The following MYH16 variants were observed in gnomAD, a reference collection of about 807,000 sequenced individuals.
MYH16 encodes the protein putative uncharacterized protein MYH16.
At chr7:99,294,550 A>AT (rs1247630867) in intron 33 of MYH16, among the ~76,000 whole-genome samples, 12 of 121,878 alleles carry the variant, frequency 9.8e-5, no homozygotes, top group African/African-American at 5.4e-4. Flanking sequence ...AAAAAGAAAA[A>AT]AAAAATATAT....
chr7:99,279,828 T>C, intron 22 of MYH16, 91 bp downstream of exon 4: 1 of 374,400 alleles, frequency 2.7e-6, no homozygotes, highest in Non-Finnish European at 5.2e-6. Context: ...CCCAGTGCCC[T>C]GACCACTGAC....
At chr7:99,247,974 C>T (rs1397601458) in intron 3 of MYH16, among the ~76,000 whole-genome samples, 2 of 152,190 alleles carry the variant, frequency 1.3e-5, no homozygotes, top group Admixed American at 1.3e-4. Flanking sequence ...CTACCTCACA[C>T]CCTATCTCAT....
At chr7:99,264,532 C>A (rs901111412) in intron 15 of MYH16, among the ~76,000 whole-genome samples, 1 of 152,156 alleles carries the variant, frequency 6.6e-6, no homozygotes, top group East Asian at 1.9e-4. Context: ...AGCGTGATCA[C>A]GCGAGATAGC....
chr7:99,264,011 C>T (rs1199163337), intron 14 of MYH16, among the ~76,000 whole-genome samples: 1 of 152,190 alleles, frequency 6.6e-6, no homozygotes, highest in Non-Finnish European at 1.5e-5. Context: ...CATCAGAAAT[C>T]ACAAAAGACT....
chr7:99,272,977 A>G (rs1584347365), intron 19 of MYH16, among the ~76,000 whole-genome samples: 2 of 152,134 alleles, frequency 1.3e-5, no homozygotes, highest in South Asian at 2.1e-4. Context: ...GCTGCAGGGA[A>G]CAAGAAACGG....
chr7:99,292,808 A>G (rs1230495436), intron 32 of MYH16, among the ~76,000 whole-genome samples: 2 of 151,922 alleles, frequency 1.3e-5, no homozygotes, highest in Non-Finnish European at 2.9e-5. Context: ...AAAAATTACA[A>G]AATTAGCCAG....
intron 36 of MYH16, among the ~76,000 whole-genome samples, chr7:99,298,868 T>C (rs1267859144): frequency 6.6e-6 from 1 of 150,408 alleles, no homozygotes; most frequent in Non-Finnish European, 1.5e-5. Context: ...CTGCACCCAC[T>C]AACTCGTCAT....
chr7:99,249,572 GTTTTTTTT>G (rs1195632373), intron 4 of MYH16, among the ~76,000 whole-genome samples: 14 of 116,746 alleles, frequency 1.2e-4, no homozygotes, highest in African/African-American at 5.3e-4. Flanking sequence ...GAAAAGTGCT[GTTTTTTTT>G]TTTTTTTTTT....
downstream of MYH16, among the ~76,000 whole-genome samples, chr7:99,308,190 G>C (rs536794998): frequency 5.9e-5 from 9 of 151,578 alleles, no homozygotes; most frequent in Middle Eastern, 3.4e-3. Flanking sequence ...AGCTGCTCGG[G>C]AGGCTGAGGC....
chr7:99,286,549 A>T (rs1215619788), intron 28 of MYH16: 1 of 152,330 alleles, frequency 6.6e-6, no homozygotes, highest in Non-Finnish European at 1.5e-5. Flanking sequence ...GGGCCCAGAA[A>T]CCCCCAGCTC....
chr7:99,283,399 C>A (rs1792229080), intron 23 of MYH16, among the ~76,000 whole-genome samples, 166 bp from the exon 6 acceptor site: 1 of 152,222 alleles, frequency 6.6e-6, no homozygotes, highest in Non-Finnish European at 1.5e-5. Context: ...TCTGCTCTGG[C>A]CTTACCCAGC....
chr7:99,310,464 T>C (rs544689562), downstream of MYH16, among the ~76,000 whole-genome samples: 5 of 152,354 alleles, frequency 3.3e-5, no homozygotes, highest in African/African-American at 1.2e-4. Context: ...GGGAGAGCTC[T>C]GTATCCCAGG....
chr7:99,238,976 G>C (rs1303862200), exon 1 of MYH16: 1 of 152,698 alleles, frequency 6.5e-6, no homozygotes, highest in Admixed American at 6.5e-5. Context: ...GGAAGGCTTC[G>C]TCGCTGGGGA....
intron 2 of MYH16, among the ~76,000 whole-genome samples, chr7:99,243,587 C>T (rs1481493160): frequency 1.3e-5 from 2 of 152,278 alleles, no homozygotes; most frequent in African/African-American, 4.8e-5. Flanking sequence ...GTTAGAATTT[C>T]CACCCAAAGC....
chr7:99,267,739 T>C (rs1480113840), intron 18 of MYH16, among the ~76,000 whole-genome samples: 1 of 152,186 alleles, frequency 6.6e-6, no homozygotes, highest in Non-Finnish European at 1.5e-5. Context: ...TCCCATTTCC[T>C]GGCCCTGCAG....
chr7:99,287,167 G>A (rs1292867731), intron 28 of MYH16, among the ~76,000 whole-genome samples: 1 of 152,160 alleles, frequency 6.6e-6, no homozygotes, highest in East Asian at 1.9e-4. Flanking sequence ...CAATCTCAGT[G>A]GACTGTGGGG....
intron 6 of MYH16, chr7:99,252,556 T>G (rs1791823121): frequency 6.6e-6 from 1 of 152,268 alleles, no homozygotes; most frequent in Non-Finnish European, 1.5e-5. Flanking sequence ...CTGGTCTCTA[T>G]GCAGAATTCC....
At chr7:99,278,624 T>C (rs1456831260) in intron 21 of MYH16, among the ~76,000 whole-genome samples, 1 of 152,190 alleles carries the variant, frequency 6.6e-6, no homozygotes, top group Non-Finnish European at 1.5e-5. Flanking sequence ...AAAACTCAGT[T>C]TGGCAGACAT....
chr7:99,259,730 G>GTA (rs1202006986), intron 11 of MYH16, among the ~76,000 whole-genome samples: 32 of 147,336 alleles, frequency 2.2e-4, no homozygotes, highest in South Asian at 2.1e-4. Context: ...GTGTGTGTGT[G>GTA]TATATATATA....
Sources: gnomAD v4.1 joint callset for allele counts (sites outside exome capture counted in the v4.1 genomes callset) on GRCh38, gnomAD v4.1.1 for gene constraint, MANE v1.5 for transcripts, NCBI Gene and HGNC (gene_info 2026-07-23, HGNC 2026-07-21) for gene names.